The following ZNF251 variants were observed in gnomAD, a reference collection of about 807,000 sequenced individuals.
ZNF251 encodes zinc finger protein 251.
A neutral mutation model predicts 13.5 loss-of-function variants in ZNF251; 14 were observed. That is an observed-to-expected ratio of 1.04 (90% CI 0.69 to 1.63). The LOEUF is 1.63. Among genes scored for constraint, ZNF251 ranks in the 40% most tolerant of loss-of-function variants. ZNF251 has a pLI of 0.00. For synonymous variants in ZNF251, 287 were observed against 295.2 expected (o/e 0.97, Z 0.28); for missense variants, 764 against 834.9 (o/e 0.92, Z 1.05).
chr8:144,722,821 A>C lies in ZNF251; in HGVS notation c.839T>G (p.Leu280Arg). 1 of 1,614,090 alleles carries C rather than the reference A, an allele frequency of 6.2e-7. No individual in the cohort carries two copies. The highest frequency in any genetic ancestry group is 8.5e-7 in the Non-Finnish European group (1 of 1,179,914). Reference sequence around the variant, plus strand: ...AGTGTGAATTCTCCGATGAAGACGGAGGTGAGAATTGAGTCCAAAAGTTTT... The same window carrying C: ...AGTGTGAATTCTCCGATGAAGACGGCGGTGAGAATTGAGTCCAAAAGTTTT... ...CGKTFGLNSH[L>R]RLHRRIHTGE... Residue 280 changes from leucine (L) to arginine (R), a missense_variant, in exon 5 of 5, where the codon CTC becomes CGC. Coordinates refer to ENST00000292562, the MANE Select transcript of ZNF251 (RefSeq NM_138367.2). The surrounding 1 kb of genome is among the most constrained non-coding windows in gnomAD (Gnocchi z 4.8).
chr8:144,734,941 G>T lies in ZNF251; in HGVS notation c.278-11559C>A, dbSNP rs1374061346. Reference sequence around the variant, plus strand: ...ATACAAAAATTAGCCAGACGTGGTGGTGCATGCCTGTGATCCCAGCTACTT... The same window carrying T: ...ATACAAAAATTAGCCAGACGTGGTGTTGCATGCCTGTGATCCCAGCTACTT... On this transcript the variant is annotated intron_variant, in intron 4 of 4. Transcript: ENST00000292562. This position sits in a 1 kb window ranked among gnomAD's most constrained non-coding sequence, Gnocchi z 4.4. Among the ~76,000 whole-genome samples, 3 of 152,060 alleles carry T rather than the reference G, an allele frequency of 2.0e-5. No homozygotes were observed. The highest frequency in any genetic ancestry group is 1.3e-4 in the Admixed American group (2 of 15,254).
chr8:144,749,822 T>C (rs191387171), intron 4 of ZNF251, among the ~76,000 whole-genome samples: 3 of 152,146 alleles, frequency 2.0e-5, no homozygotes, highest in Admixed American at 2.0e-4. Flanking sequence ...CTTTCGGTTA[T>C]GGTGTTTTTG....
Position 144,721,570 on chromosome 8 carries a change from A to T in ZNF251, c.*74T>A, listed in dbSNP as rs7834165. ...TTTGCCAGTAATATTTAGACCTTAT[A>T]TATCTTTCATTATGCCATCTTATCT... On this transcript the variant is annotated 3_prime_UTR_variant, in exon 5 of 5. Coordinates refer to ENST00000292562, the MANE Select transcript of ZNF251 (RefSeq NM_138367.2). 7.7e-3 allele frequency: 9,764 copies of T among 1,263,078 alleles called. 604 individuals carry two copies. In the African/African-American group the frequency reaches 0.13, roughly 17 times the overall value. 78.2% of individuals were successfully genotyped at this position (1,263,078 alleles called of 1,614,324 possible).
chr8:144,753,546 A>G, intron 4 of ZNF251, 137 bp downstream of exon 4: 1 of 622,614 alleles, frequency 1.6e-6, no homozygotes, highest in South Asian at 2.0e-5. Context: ...TCACATTTGT[A>G]GAGGGGCTGT....
Position 144,734,425 on chromosome 8 carries a change from G to A in ZNF251, c.278-11043C>T, listed in dbSNP as rs1172023288. ...GCAAAAGCAAATGCCCTGAGCACCC[G>A]GTTCCTGCCCCACCGGACGCTGGAG... On this transcript the variant is annotated intron_variant, in intron 4 of 4. Coordinates refer to ENST00000292562, the MANE Select transcript of ZNF251 (RefSeq NM_138367.2). The surrounding 1 kb of genome is among the most constrained non-coding windows in gnomAD (Gnocchi z 4.4). Among the ~76,000 whole-genome samples the A allele has an allele frequency of 5.3e-5, 8 of 152,210 alleles. No individual in the cohort carries two copies. The highest frequency in any genetic ancestry group is 1.7e-4 in the African/African-American group (7 of 41,452).
chr8:144,751,600 G>T (rs1266385929), intron 4 of ZNF251, among the ~76,000 whole-genome samples: 1 of 152,060 alleles, frequency 6.6e-6, no homozygotes, highest in Admixed American at 6.5e-5. Flanking sequence ...TTTAAATGGA[G>T]TTATAAAAAG....
rs552533260 is a variant in ZNF251, at chr8:144,748,055, A to G, written c.277+5628T>C. 7.3e-5 allele frequency among the ~76,000 whole-genome samples: 11 copies of G among 151,224 alleles called. No individual in the cohort carries two copies. In the South Asian group the frequency reaches 2.3e-3, roughly 32 times the overall value. ...CTTCCAGAGTGCTGGGATTACAGGCATGACTACCACACTTGACAACCTCAC... is the reference window on the plus strand; with the variant it reads ...CTTCCAGAGTGCTGGGATTACAGGCGTGACTACCACACTTGACAACCTCAC... On this transcript the variant is annotated intron_variant, in intron 4 of 4. Coordinates refer to ENST00000292562, the MANE Select transcript of ZNF251 (RefSeq NM_138367.2).
intron 4 of ZNF251, among the ~76,000 whole-genome samples, chr8:144,745,188 CTTTTTT>C (rs746070716): frequency 1.6e-4 from 18 of 114,584 alleles, no homozygotes; most frequent in African/African-American, 5.0e-4. Flanking sequence ...TGTCTAGATT[CTTTTTT>C]TTTTTTTTTT....
At chr8:144,729,907 T>G in intron 4 of ZNF251, 2 of 347,296 alleles carry the variant, frequency 5.8e-6, no homozygotes, top group Non-Finnish European at 8.1e-6. Context: ...TATCAACAGG[T>G]TACATGTGTT....
At chr8:144,733,510 G>C (rs1823783978) in intron 4 of ZNF251, among the ~76,000 whole-genome samples, 1 of 152,176 alleles carries the variant, frequency 6.6e-6, no homozygotes, top group Non-Finnish European at 1.5e-5. Flanking sequence ...GGTCCCTGTG[G>C]GTCAGAGGCC....
chr8:144,724,583 G>A (rs1823465979), intron 4 of ZNF251, among the ~76,000 whole-genome samples: 1 of 152,144 alleles, frequency 6.6e-6, no homozygotes, highest in Non-Finnish European at 1.5e-5. Flanking sequence ...ACTCCCCTAG[G>A]ATCCATCCTA....
intron 4 of ZNF251, among the ~76,000 whole-genome samples, chr8:144,752,942 A>C (rs992125334): frequency 6.6e-6 from 1 of 152,074 alleles, no homozygotes; most frequent in Non-Finnish European, 1.5e-5. Flanking sequence ...CTGACATATC[A>C]AGTAGTAGAT....
At chr8:144,724,463 T>C (rs569289718) in intron 4 of ZNF251, among the ~76,000 whole-genome samples, 1 of 151,900 alleles carries the variant, frequency 6.6e-6, no homozygotes, top group African/African-American at 2.4e-5. Flanking sequence ...CCCAAGTAGC[T>C]GGGACTACAG....
chr8:144,723,440 C>T, intron 4 of ZNF251, 58 bp from the exon 5 acceptor site: 2 of 1,293,322 alleles, frequency 1.5e-6, no homozygotes, highest in Non-Finnish European at 2.0e-6. Flanking sequence ...GGCATAATGT[C>T]CATAATGTGG....
At position 144,754,761 on chromosome 8, in the gene ZNF251, G is replaced by A. The variant is rs1292210606; in HGVS notation, c.-33C>T. On this transcript the variant is annotated 5_prime_UTR_variant, in exon 2 of 5. Coordinates refer to ENST00000292562, the MANE Select transcript of ZNF251 (RefSeq NM_138367.2). Reference sequence around the variant, plus strand: ...GCATGGGCTGCTGTGGTTTCCAAGAGAAGACAGGAGACTGCCCTGGCCTGA... The same window carrying A: ...GCATGGGCTGCTGTGGTTTCCAAGAAAAGACAGGAGACTGCCCTGGCCTGA... 7 of 1,608,998 alleles carry A rather than the reference G, an allele frequency of 4.4e-6. No individual in the cohort carries two copies. In the African/African-American group the frequency reaches 5.3e-5, roughly 12 times the overall value.
intron 4 of ZNF251, among the ~76,000 whole-genome samples, chr8:144,729,438 G>A (rs1301751488): frequency 6.6e-6 from 1 of 150,712 alleles, no homozygotes; most frequent in Admixed American, 6.6e-5. Flanking sequence ...CCGGGTTCAC[G>A]CCATTCTCCT....
intron 4 of ZNF251, among the ~76,000 whole-genome samples, chr8:144,739,832 C>T (rs1824076116): frequency 6.6e-6 from 1 of 151,352 alleles, no homozygotes; most frequent in South Asian, 2.1e-4. Context: ...GAGGGTAAGG[C>T]TGCAGCGAGC....
intron 4 of ZNF251, among the ~76,000 whole-genome samples, chr8:144,737,969 AACTGCTGAC>A (rs1823981252): frequency 6.6e-6 from 1 of 152,092 alleles, no homozygotes; most frequent in Non-Finnish European, 1.5e-5. Context: ...GTTAAACATA[AACTGCTGAC>A]ACTGTTACCA....
At chr8:144,745,103 T>C (rs996348368) in intron 4 of ZNF251, among the ~76,000 whole-genome samples, 18 of 151,560 alleles carry the variant, frequency 1.2e-4, no homozygotes. Context: ...GGAAAGTTAC[T>C]GTTTTAAGCA....
Sources: allele counts gnomAD v4.1 joint callset (sites outside exome capture counted in the v4.1 genomes callset), GRCh38; gene constraint gnomAD v4.1.1; non-coding constraint Gnocchi (gnomAD v3.1); transcripts MANE v1.5; gene names NCBI Gene and HGNC (gene_info 2026-07-23, HGNC 2026-07-21).